The following PNLDC1 variants were observed in gnomAD, a reference collection of about 807,000 sequenced individuals.
PNLDC1 encodes PARN like ribonuclease domain containing exonuclease 1.
A neutral mutation model predicts 82.0 loss-of-function variants in PNLDC1; 70 were observed. The observed-to-expected ratio is 0.85, with a 90% CI of 0.70 to 1.04. The LOEUF is 1.04. Ranked by LOEUF, PNLDC1 falls within the 50% of genes least tolerant of loss-of-function variation. The pLI, the probability that PNLDC1 is intolerant of heterozygous loss-of-function variation, is 0.00. For synonymous variants in PNLDC1, 280 were observed against 249.3 expected (o/e 1.12, Z -1.16); for missense variants, 631 against 661.1 (o/e 0.95, Z 0.50).
At chr6:159,808,980 A>T in intron 8 of PNLDC1, 35 bp from the exon 9 acceptor site, 4 of 1,607,358 alleles carry the variant, frequency 2.5e-6, no homozygotes, top group Non-Finnish European at 3.4e-6. Context: ...ATTCCTAGTA[A>T]CCCAGGATTC....
chr6:159,813,565 A>G (rs1226142405), intron 11 of PNLDC1, 36 bp from the exon 12 acceptor site: 8 of 1,579,754 alleles, frequency 5.1e-6, no homozygotes, highest in Non-Finnish European at 7.0e-6. Context: ...ACAAAAGCGC[A>G]AATGTTTTCC....
chr6:159,805,940 G>C (rs1410441218), intron 6 of PNLDC1, 43 bp from the exon 7 acceptor site: 1 of 1,437,760 alleles, frequency 7.0e-7, no homozygotes, highest in East Asian at 2.3e-5. Flanking sequence ...CGGTTCTGAA[G>C]TGTTTTTCTC....
At chr6:159,816,827 G>A (rs1254513723) in intron 14 of PNLDC1, among the ~76,000 whole-genome samples, 1 of 151,968 alleles carries the variant, frequency 6.6e-6, no homozygotes, top group African/African-American at 2.4e-5. Flanking sequence ...ACCACACCTG[G>A]CTAATTTTTG....
intron 4 of PNLDC1, among the ~76,000 whole-genome samples, chr6:159,803,672 C>T (rs986268698): frequency 1.6e-4 from 24 of 152,172 alleles, no homozygotes; most frequent in Admixed American, 1.6e-3. Context: ...ATCAGGATGC[C>T]TCCCCACCCC....
chr6:159,813,623 C>G lies in PNLDC1; in HGVS notation c.962C>G (p.Ser321Trp). 1 of 1,613,620 alleles carries G rather than the reference C, an allele frequency of 6.2e-7. No individual in the cohort carries two copies. Among genetic ancestry groups the G allele is most frequent in the Non-Finnish European group, 8.5e-7 (1 of 1,179,568 alleles). ...TAGGAGATGAATTTCCCGAGGGTGT[C>G]GAATCTTTCGGAAGTCTATGAAGTC... is the stretch of plus-strand genomic sequence containing the variant. ...IWKEMNFPRVSNLSEVYEVLN... is the reference protein window; with the variant it reads ...IWKEMNFPRVWNLSEVYEVLN... Residue 321 changes from serine to tryptophan, a missense_variant, in exon 12 of 19, where the codon TCG becomes TGG. Transcript: ENST00000392167.
At chr6:159,816,457 T>C (rs2342480) in intron 13 of PNLDC1, 86 bp from the exon 14 acceptor site, 868,460 of 1,245,468 alleles carry the variant, frequency 0.7, 305,699 homozygotes, top group African/African-American at 0.84. Flanking sequence ...TTGTATGAGC[T>C]GCAGCCACTG....
rs1044815668 is a variant in PNLDC1 at position 159,819,871 on chromosome 6, A to C, written c.1532+519A>C. ...GGAGGGGGATGCAGGAGAAGGAACC[A>C]GTGCCCCCCAGCTGGGGGCCACCCA... On this transcript the variant is annotated intron_variant, in intron 18 of 18. Transcript: ENST00000392167. This position sits in a 1 kb window ranked among gnomAD's most constrained non-coding sequence, Gnocchi z 4.6. 1.3e-5 allele frequency among the ~76,000 whole-genome samples: 2 copies of C among 152,098 alleles called. No individual in the cohort carries two copies. Among genetic ancestry groups the C allele is most frequent in the African/African-American group, 4.8e-5 (2 of 41,428 alleles).
intron 15 of PNLDC1, 55 bp downstream of exon 15, chr6:159,817,206 G>T: frequency 6.5e-7 from 1 of 1,527,562 alleles, no homozygotes. Flanking sequence ...GATTTATTGA[G>T]CCCTTGCTGG....
chr6:159,799,909 C>G (rs1376394311), upstream of PNLDC1, among the ~76,000 whole-genome samples: 1 of 152,188 alleles, frequency 6.6e-6, no homozygotes, highest in Non-Finnish European at 1.5e-5. Flanking sequence ...AGCAAAGGAT[C>G]TGCTTATTGC....
At chr6:159,805,137 G>C (rs1444868984) in intron 6 of PNLDC1, among the ~76,000 whole-genome samples, 1 of 152,174 alleles carries the variant, frequency 6.6e-6, no homozygotes, top group Non-Finnish European at 1.5e-5. Flanking sequence ...TGCTCCCCTA[G>C]GCCGGGACCT....
chr6:159,804,157 C>T lies in PNLDC1; in HGVS notation c.372+69C>T, dbSNP rs561583494. ...TCTGAGATGGAGTCTCGCTCTGTTG[C>T]CCAGGCTGGAGTGCAGTGGTGCAAT... is the stretch of plus-strand genomic sequence containing the variant. On this transcript the variant is annotated intron_variant, in intron 5 of 18. Transcript: ENST00000392167. The T allele has an allele frequency of 3.3e-5, 52 of 1,564,550 alleles. No individual in the cohort carries two copies. In the East Asian group the frequency reaches 9.2e-4, roughly 28 times the overall value.
At chr6:159,817,057 G>A (rs1562506284) in intron 14 of PNLDC1, 52 bp from the exon 15 acceptor site, 3 of 1,510,624 alleles carry the variant, frequency 2.0e-6, no homozygotes, top group African/African-American at 1.4e-5. Context: ...TAAAGCATAA[G>A]CATGCACATT....
At chr6:159,806,688 G>A (rs1222520413) in intron 7 of PNLDC1, among the ~76,000 whole-genome samples, 4 of 152,182 alleles carry the variant, frequency 2.6e-5, no homozygotes, top group Non-Finnish European at 5.9e-5. Flanking sequence ...GCCAATCTTA[G>A]TAGCAGCCTC....
chr6:159,800,391 G>T lies in PNLDC1; in HGVS notation c.76+8G>T. The T allele has an allele frequency of 6.5e-7, 1 of 1,547,618 alleles. No individual in the cohort carries two copies. Among genetic ancestry groups the T allele is most frequent in the East Asian group, 2.4e-5 (1 of 40,872 alleles). On this transcript the variant is annotated splice_region_variant and intron_variant, in intron 1 of 18. Transcript: ENST00000392167. ...AGGAGGCCGACTTCGTGGGTGAAGAGCCTGGGATTCGCGGCTGTGCCGGAC... is the reference window on the plus strand; with the variant it reads ...AGGAGGCCGACTTCGTGGGTGAAGATCCTGGGATTCGCGGCTGTGCCGGAC...
rs760739373 is a variant in PNLDC1 at position 159,804,007 on chromosome 6, G to C, written c.291G>C (p.Thr97=). The change falls in exon 5 of 19, where the codon ACG becomes ACC. Residue 97 remains threonine, a synonymous_variant. Coordinates refer to ENST00000392167, the MANE Select transcript of PNLDC1 (RefSeq NM_001271862.2). ...HSCNFYLFPT[T]FGILDSEFSF... is the part of the protein sequence containing the mutation. ...GTAACTTCTATCTCTTCCCTACAAC[G>C]TTTGGGATTTTGGACTCAGAATTCT... 41 of 1,613,070 alleles carry C rather than the reference G, an allele frequency of 2.5e-5. No individual in the cohort carries two copies. Among genetic ancestry groups the C allele is most frequent in the Non-Finnish European group, 7.6e-6 (9 of 1,179,162 alleles).
At position 159,813,658 on chromosome 6, in the gene PNLDC1, T is replaced by C; in HGVS notation, c.995+2T>C. On this transcript the variant is annotated splice_donor_variant, in intron 12 of 18. Transcript: ENST00000392167. LOFTEE classifies it high-confidence loss of function. ...GGAAGTCTATGAAGTCCTGAACAGG[T>C]GAGGACGGCGATTCCTGGAGCTACT... The C allele has an allele frequency of 6.2e-7, 1 of 1,613,528 alleles. No individual in the cohort carries two copies. The highest frequency in any genetic ancestry group is 8.5e-7 in the Non-Finnish European group (1 of 1,179,448).
chr6:159,810,064 C>T lies in PNLDC1; in HGVS notation c.822C>T (p.His274=). 6.2e-7 allele frequency: 1 copy of T among 1,614,104 alleles called. No individual in the cohort carries two copies. Among genetic ancestry groups the T allele is most frequent in the Non-Finnish European group, 8.5e-7 (1 of 1,179,956 alleles). ...VGHNMMMDLL[H]LHEKFFRPLP... ...ATAATATGATGATGGACCTGCTGCA[C>T]CTCCATGAGAAGTTCTTCAGACCCC... is the stretch of plus-strand genomic sequence containing the variant. Residue 274 remains histidine, a synonymous_variant, in exon 10 of 19, where the codon CAC becomes CAT. Coordinates refer to ENST00000392167, the MANE Select transcript of PNLDC1 (RefSeq NM_001271862.2).
chr6:159,799,934 T>A (rs1781171298), upstream of PNLDC1, among the ~76,000 whole-genome samples: 1 of 152,182 alleles, frequency 6.6e-6, no homozygotes. Context: ...GCGTCCGGTG[T>A]TGTTCCTGCT....
intron 3 of PNLDC1, among the ~76,000 whole-genome samples, chr6:159,801,826 T>C (rs548410070): frequency 6.6e-6 from 1 of 151,930 alleles, no homozygotes; most frequent in Non-Finnish European, 1.5e-5. Flanking sequence ...ACTTTTTTTT[T>C]TTCCTTGATG....
Sources: allele counts gnomAD v4.1 joint callset (sites outside exome capture counted in the v4.1 genomes callset), GRCh38; gene constraint gnomAD v4.1.1; non-coding constraint Gnocchi (gnomAD v3.1); transcripts MANE v1.5; gene names NCBI Gene and HGNC (gene_info 2026-07-23, HGNC 2026-07-21).